Variants in TRMT44 observed in about 807,000 individuals in gnomAD.
TRMT44 encodes tRNA methyltransferase 44 homolog.
In TRMT44, 78 loss-of-function variants were observed where a neutral mutation model predicts 77.3. The ratio of observed to expected loss-of-function variants is 1.01; its 90% confidence interval spans 0.84 to 1.22. The LOEUF (loss-of-function observed/expected upper bound fraction) is 1.22. TRMT44 is among the 50% of genes most tolerant of loss of function. The pLI is 0.00. For missense variants in TRMT44, 1,090 were observed against 964.4 expected (o/e 1.13, Z -1.73); for synonymous variants, 391 against 383.3 (o/e 1.02, Z -0.23).
intron 2 of TRMT44, among the ~76,000 whole-genome samples, chr4:8,489,994 A>G (rs1727945868): frequency 6.6e-6 from 1 of 152,040 alleles, no homozygotes; most frequent in South Asian, 2.1e-4. Flanking sequence ...GCCTTTTGAG[A>G]TATGTTTTCA....
chr4:8,459,617 A>G (rs945919808), intron 6 of TRMT44, among the ~76,000 whole-genome samples: 1 of 152,222 alleles, frequency 6.6e-6, no homozygotes, highest in Non-Finnish European at 1.5e-5. Flanking sequence ...AAAGATTTTC[A>G]ATACATATTG....
intron 6 of TRMT44, among the ~76,000 whole-genome samples, chr4:8,460,727 T>C (rs1726099555): frequency 6.6e-6 from 1 of 152,190 alleles, no homozygotes; most frequent in African/African-American, 2.4e-5. Flanking sequence ...TGACTAATTG[T>C]ATTTTTAGTA....
chr4:8,505,079 G>A, the TRMT44 span, among the ~76,000 whole-genome samples: 1 of 152,144 alleles, frequency 6.6e-6, no homozygotes, highest in African/African-American at 2.4e-5. Flanking sequence ...TCTCCTGGCT[G>A]CGTGACCTCT....
rs1484627320 is a variant in TRMT44, at chr4:8,476,171, G to C, written c.*170G>C. ...CGTATTTCATAAACATCACACGCCA[G>C]AGAAGCCACAGTTACTCGGAAGCCC... On this transcript the variant is annotated 3_prime_UTR_variant, in exon 11 of 11. Transcript: ENST00000389737. The C allele has an allele frequency of 3.0e-6, 2 of 655,772 alleles. No homozygotes were observed. The highest frequency in any genetic ancestry group is 2.7e-5 in the East Asian group (1 of 36,412). The allele number at this position is 655,772 out of a possible 1,614,324, so 40.6% of individuals were successfully genotyped here.
At chr4:8,511,452 G>A in the TRMT44 span, among the ~76,000 whole-genome samples, 2 of 152,114 alleles carry the variant, frequency 1.3e-5, no homozygotes, top group African/African-American at 2.4e-5. Context: ...ATGGAACGGA[G>A]ACTTTGCAGA....
rs989064764 is a variant in TRMT44, at chr4:8,448,304, T to C, written c.735-1365T>C. ...CATTTGTTGTGTGCCCAGCATGTGTTAGGGCTGGCACGCAGCGGGAAGTGA... is the reference window on the plus strand; with the variant it reads ...CATTTGTTGTGTGCCCAGCATGTGTCAGGGCTGGCACGCAGCGGGAAGTGA... On this transcript the variant is annotated intron_variant, in intron 2 of 10. Coordinates refer to ENST00000389737, the MANE Select transcript of TRMT44 (RefSeq NM_152544.3). 1.6e-4 allele frequency among the ~76,000 whole-genome samples: 24 copies of C among 152,286 alleles called. 1 individual carries two copies. The highest frequency in any genetic ancestry group is 5.3e-4 in the African/African-American group (22 of 41,560).
downstream of TRMT44, among the ~76,000 whole-genome samples, chr4:8,479,938 C>T (rs866228879): frequency 1.7e-4 from 26 of 152,030 alleles, no homozygotes; most frequent in African/African-American, 5.5e-4. Context: ...AGTGTAGTGG[C>T]GCCATCTCGG....
Position 8,467,020 on chromosome 4 carries a change from G to A in TRMT44, c.1495-894G>A, listed in dbSNP as rs1726607181. 4.6e-5 allele frequency among the ~76,000 whole-genome samples: 7 copies of A among 152,214 alleles called. No individual in the cohort carries two copies. The South Asian group carries it at 1.4e-3, about 32-fold the overall frequency. On this transcript the variant is annotated intron_variant, in intron 8 of 10. Transcript: ENST00000389737. ...ATGCCTGGAGAGGAAGCCCAGAAAT[G>A]AGGTGCCCTTGCTGGGGCTGGGCAG...
Position 8,476,286 on chromosome 4 carries a change from A to C in TRMT44, c.*285A>C. ...TAAAGATTGTGCACGGATCCTTACAATGTCTCCTGGGGGAGAGCGGCTGAG... is the reference window on the plus strand; with the variant it reads ...TAAAGATTGTGCACGGATCCTTACACTGTCTCCTGGGGGAGAGCGGCTGAG... On this transcript the variant is annotated 3_prime_UTR_variant, in exon 11 of 11. Transcript: ENST00000389737. 1.3e-5 allele frequency: 6 copies of C among 458,732 alleles called. No individual in the cohort carries two copies. The highest frequency in any genetic ancestry group is 2.0e-5 in the African/African-American group (1 of 50,988). 28.4% of individuals were successfully genotyped at this position (458,732 alleles called of 1,614,324 possible).
In TRMT44 at chr4:8,475,846, C is replaced by G. The variant is rs897864307; in HGVS notation, c.2119C>G (p.Gln707Glu). 1 of 1,614,200 alleles carries G rather than the reference C, an allele frequency of 6.2e-7. No individual in the cohort carries two copies. Among genetic ancestry groups the G allele is most frequent in the Non-Finnish European group, 8.5e-7 (1 of 1,180,048 alleles). Residue 707 changes from glutamine to glutamate, a missense_variant, in exon 11 of 11, where the codon CAG (glutamine) becomes GAG (glutamate). Coordinates refer to ENST00000389737, the MANE Select transcript of TRMT44 (RefSeq NM_152544.3). ...LWKTKQPEAK[Q>E]RLLSEACKTR... is the part of the protein sequence containing the mutation. The stretch of plus-strand genomic sequence containing the variant: ...GAAGACAAAGCAACCGGAAGCGAAA[C>G]AGAGACTGCTCTCTGAAGCCTGCAA...
intron 7 of TRMT44, 87 bp downstream of exon 7, chr4:8,464,178 C>A (rs901634208): frequency 2.0e-6 from 2 of 1,004,718 alleles, no homozygotes; most frequent in South Asian, 1.5e-5. Context: ...CCACTAGCTG[C>A]GTGCAGTTGT....
At chr4:8,448,753 G>A (rs1241225342) in intron 2 of TRMT44, among the ~76,000 whole-genome samples, 1 of 152,206 alleles carries the variant, frequency 6.6e-6, no homozygotes, top group Non-Finnish European at 1.5e-5. Context: ...CTAATGCACC[G>A]TGGTGGCAGA....
chr4:8,446,498 G>A lies in TRMT44; in HGVS notation c.642G>A (p.Thr214=), dbSNP rs777288358. Reference sequence around the variant, plus strand: ...CAGATGTCCTCAATGGAACCATAACGTTTTTGCCTTTGGAAGAAGATGATG... The same window carrying A: ...CAGATGTCCTCAATGGAACCATAACATTTTTGCCTTTGGAAGAAGATGATG... The part of the protein sequence containing the change: ...VVQDVLNGTI[T]FLPLEEDDEG... The change falls in exon 2 of 11, where the codon ACG becomes ACA. Residue 214 remains threonine, a synonymous_variant. Transcript: ENST00000389737. This position sits in a 1 kb window ranked among gnomAD's most constrained non-coding sequence, Gnocchi z 4.3. 1.3e-5 allele frequency: 20 copies of A among 1,536,212 alleles called. No homozygotes were observed. The highest frequency in any genetic ancestry group is 5.5e-5 in the African/African-American group (4 of 73,002).
In TRMT44 at chr4:8,475,798, G is replaced by T. The variant is rs772101499; in HGVS notation, c.2071G>T (p.Asp691Tyr). Residue 691 changes from aspartate to tyrosine, a missense_variant, in exon 11 of 11, where the codon GAC becomes TAC. Transcript: ENST00000389737. The stretch of plus-strand genomic sequence containing the variant: ...TGTGAATGGGAGAGTTCACATCCGC[G>T]ACTGGCGAGAGGAGACACTGTGGAA... ...QVVNGRVHIR[D>Y]WREETLWKTK... 1 of 1,614,092 alleles carries T rather than the reference G, an allele frequency of 6.2e-7. No individual in the cohort carries two copies. Among genetic ancestry groups the T allele is most frequent in the Non-Finnish European group, 8.5e-7 (1 of 1,180,036 alleles).
downstream of TRMT44, among the ~76,000 whole-genome samples, chr4:8,494,885 C>T (rs1728106927): frequency 6.6e-6 from 1 of 152,116 alleles, no homozygotes; most frequent in African/African-American, 2.4e-5. Context: ...CAGCTTGACT[C>T]TTCCCCGTGG....
downstream of TRMT44, among the ~76,000 whole-genome samples, chr4:8,480,274 G>C (rs991697779): frequency 6.6e-6 from 1 of 152,180 alleles, no homozygotes. Context: ...AAGTACACTT[G>C]GAAGAGACCC....
chr4:8,463,263 C>T (rs778848607), intron 6 of TRMT44, among the ~76,000 whole-genome samples: 1 of 152,158 alleles, frequency 6.6e-6, no homozygotes, highest in African/African-American at 2.4e-5. Context: ...TTTTTACTGA[C>T]AGAATTGCTA....
the TRMT44 span, chr4:8,512,015 T>G: frequency 6.6e-6 from 1 of 152,224 alleles, no homozygotes; most frequent in Non-Finnish European, 1.5e-5. Flanking sequence ...TGTTGAATTT[T>G]CTTTTTAGTT....
intron 9 of TRMT44, 148 bp from the exon 10 acceptor site, chr4:8,470,936 T>G: frequency 1.7e-6 from 1 of 601,956 alleles, no homozygotes; most frequent in Non-Finnish European, 3.0e-6. Context: ...CGGTGTGGTG[T>G]GGGTTAGGTG....
Sources: gnomAD v4.1 joint callset for allele counts (sites outside exome capture counted in the v4.1 genomes callset) on GRCh38, gnomAD v4.1.1 for gene constraint, Gnocchi (gnomAD v3.1) non-coding constraint, MANE v1.5 for transcripts, NCBI Gene and HGNC (gene_info 2026-07-23, HGNC 2026-07-21) for gene names.